The following GPRIN3 variants were observed in gnomAD, a reference collection of about 807,000 sequenced individuals.
GPRIN3 encodes G protein-regulated inducer of neurite outgrowth 3.
GPRIN3 carries 12 observed loss-of-function variants against 13.7 expected under a neutral mutation model. The observed-to-expected ratio is 0.87, with a 90% CI of 0.56 to 1.42. The LOEUF (loss-of-function observed/expected upper bound fraction) is 1.42, where lower values mean the gene tolerates loss of function less well. Among genes scored for constraint, GPRIN3 ranks in the 40% most tolerant of loss-of-function variants. GPRIN3 has a pLI of 0.00. For synonymous variants in GPRIN3, 377 were observed against 372.7 expected, an observed-to-expected ratio of 1.01 and a Z score of -0.13; for missense variants, 1,009 against 958.7, an observed-to-expected ratio of 1.05 and a Z score of -0.69.
intron 1 of GPRIN3, among the ~76,000 whole-genome samples, chr4:89,306,211 G>A (rs946029504): frequency 6.6e-6 from 1 of 152,150 alleles, no homozygotes; most frequent in African/African-American, 2.4e-5. Context: ...TCTGCTTTGG[G>A]CTGTGACTCA....
intron 1 of GPRIN3, among the ~76,000 whole-genome samples, chr4:89,260,240 C>A (rs1010803914): frequency 6.6e-5 from 10 of 152,184 alleles, no homozygotes; most frequent in African/African-American, 2.2e-4. Context: ...TTAGAGAACA[C>A]AGAGAAACCC....
intron 1 of GPRIN3, among the ~76,000 whole-genome samples, chr4:89,304,711 T>C (rs981809384): frequency 6.6e-6 from 1 of 152,218 alleles, no homozygotes; most frequent in African/African-American, 2.4e-5. Flanking sequence ...TATGTTTGCC[T>C]TTTGGAGTCA....
intron 1 of GPRIN3, among the ~76,000 whole-genome samples, chr4:89,258,080 C>T (rs1300774444): frequency 6.6e-6 from 1 of 151,094 alleles, no homozygotes; most frequent in Non-Finnish European, 1.5e-5. Context: ...GGCTGGAGCC[C>T]TGAGAACCTA....
chr4:89,279,091 C>T (rs543327762), intron 1 of GPRIN3, among the ~76,000 whole-genome samples: 3 of 152,242 alleles, frequency 2.0e-5, no homozygotes, highest in East Asian at 3.9e-4. Context: ...AGGGAAGAAC[C>T]GATTCCCCTG....
At position 89,278,394 on chromosome 4, in the gene GPRIN3, G is replaced by A. The variant is rs546947571; in HGVS notation, c.-123-28161C>T. ...AGAGCTTTCGTTCATTTGCCACAGC[G>A]ATAATGACATATTTAAATTCTCCTT... On this transcript the variant is annotated intron_variant, in intron 1 of 1. Transcript: ENST00000609438. Among the ~76,000 whole-genome samples the A allele has an allele frequency of 2.4e-4, 36 of 152,180 alleles. No homozygotes were observed. The South Asian group carries it at 6.7e-3, about 28-fold the overall frequency.
chr4:89,264,359 G>A (rs932339081), intron 1 of GPRIN3, among the ~76,000 whole-genome samples: 3 of 152,186 alleles, frequency 2.0e-5, no homozygotes, highest in African/African-American at 7.2e-5. Flanking sequence ...GCAGCCTGAA[G>A]CCTTCCCCAG....
At position 89,248,419 on chromosome 4, in the gene GPRIN3, G is replaced by A; in HGVS notation, c.1692C>T (p.Leu564=). The A allele has an allele frequency of 6.2e-7, 1 of 1,614,158 alleles. No individual in the cohort carries two copies. The highest frequency in any genetic ancestry group is 8.5e-7 in the Non-Finnish European group (1 of 1,180,028). ...CTCCACTTTCTTGGGATTTAGGATT[G>A]AGCAGTAGGGTTTTGGCATCCGAGG... is the stretch of plus-strand genomic sequence containing the variant. The part of the protein sequence containing the change: ...TDTSDAKTLL[L]NPKSQESGGT... The change falls in exon 2 of 2, where the codon CTC becomes CTT. Residue 564 remains leucine (L), a synonymous_variant. Transcript: ENST00000609438.
Position 89,249,308 on chromosome 4 carries a change from G to C in GPRIN3, c.803C>G (p.Thr268Ser). 6 of 1,614,102 alleles carry C rather than the reference G, an allele frequency of 3.7e-6. No individual in the cohort carries two copies. Among genetic ancestry groups the C allele is most frequent in the Non-Finnish European group, 5.1e-6 (6 of 1,179,996 alleles). Reference sequence around the variant, plus strand: ...TGCCGAAGGTTCGCTAGTGAGGGGGGTTGGTTGAGGTGTCACAGAAGTTGT... The same window carrying C: ...TGCCGAAGGTTCGCTAGTGAGGGGGCTTGGTTGAGGTGTCACAGAAGTTGT... ...QGTTSVTPQP[T>S]PLTSEPSACP... The change falls in exon 2 of 2, where the codon ACC becomes AGC. Residue 268 changes from threonine (T) to serine (S), a missense_variant. By Grantham distance (58) the Thr-to-Ser change is moderately conservative (BLOSUM62 1). Coordinates refer to ENST00000609438, the MANE Select transcript of GPRIN3 (RefSeq NM_198281.3).
intron 1 of GPRIN3, among the ~76,000 whole-genome samples, chr4:89,260,805 G>A (rs1297720148): frequency 6.6e-6 from 1 of 152,090 alleles, no homozygotes; most frequent in African/African-American, 2.4e-5. Context: ...AAAAAGAATG[G>A]TCTTTCATTA....
chr4:89,258,520 G>A lies in GPRIN3; in HGVS notation c.-123-8287C>T, dbSNP rs1159041866. ...TGAGCCACTGTGCCTGGCCAAACCT[G>A]AGCATTTTTATAGTAGGGTTGATGA... On this transcript the variant is annotated intron_variant, in intron 1 of 1. Coordinates refer to ENST00000609438, the MANE Select transcript of GPRIN3 (RefSeq NM_198281.3). Among the ~76,000 whole-genome samples, 3 of 152,110 alleles carry A rather than the reference G, an allele frequency of 2.0e-5. 1 individual carries two copies. The highest frequency in any genetic ancestry group is 1.3e-4 in the Admixed American group (2 of 15,274).
chr4:89,298,680 T>C (rs1724809195), intron 1 of GPRIN3, among the ~76,000 whole-genome samples: 1 of 151,960 alleles, frequency 6.6e-6, no homozygotes, highest in Admixed American at 6.6e-5. Flanking sequence ...TATATGTATA[T>C]ATATATATCT....
chr4:89,270,565 T>TTATATATATATA (rs1199230242), intron 1 of GPRIN3, among the ~76,000 whole-genome samples: 933 of 82,044 alleles, frequency 0.011, 6 homozygotes, highest in South Asian at 0.02. Flanking sequence ...TGTATATAAT[T>TTATATATATATA]TATATATATA....
At chr4:89,270,578 T>TATATATATATATATATAA (rs1561205512) in intron 1 of GPRIN3, among the ~76,000 whole-genome samples, 1 of 99,548 alleles carries the variant, frequency 1.0e-5, no homozygotes, top group East Asian at 3.2e-4. Flanking sequence ...TATATATATA[T>TATATATATATATATATAA]ATATATATAT....
chr4:89,257,849 G>A (rs1356320033), intron 1 of GPRIN3, among the ~76,000 whole-genome samples: 1 of 152,092 alleles, frequency 6.6e-6, no homozygotes, highest in Non-Finnish European at 1.5e-5. Flanking sequence ...GGTCAATTGG[G>A]CAATACAGAA....
rs934128581 is a variant in GPRIN3, at chr4:89,240,082, C to A, written c.*7698G>T. The A allele has an allele frequency of 6.6e-6, 1 of 152,096 alleles. No individual in the cohort carries two copies. The highest frequency in any genetic ancestry group is 2.4e-5 in the African/African-American group (1 of 41,380). The allele number at this position is 152,096 out of a possible 1,614,324, so 9.4% of individuals were successfully genotyped here. A position where few individuals can be genotyped will look rare whatever the true frequency, so the allele number is the denominator to read the frequency against. On this transcript the variant is annotated 3_prime_UTR_variant, in exon 2 of 2. Coordinates refer to ENST00000609438, the MANE Select transcript of GPRIN3 (RefSeq NM_198281.3). ...CTTTTTGATCCCTAATAGAGCACTT[C>A]CTTTGAGAAAAAATGAGATAAATTC...
intron 1 of GPRIN3, among the ~76,000 whole-genome samples, chr4:89,274,946 C>A (rs1210200751): frequency 6.6e-6 from 1 of 152,154 alleles, no homozygotes; most frequent in Non-Finnish European, 1.5e-5. Context: ...TAGCTGCTGT[C>A]CTACTCCGGA....
At position 89,249,470 on chromosome 4, in the gene GPRIN3, GA is replaced by G; in HGVS notation, c.640del (p.Ser214LeufsTer3). ...TTCCCCTTCAGGTCCACCTACAGGA[GA>G]GGATGAGTGACTGACCACCCTGGCT... ...TAARVVSHSSSPVGGPEGERQ... is the reference protein window; with the variant it reads ...TAARVVSHSSXPVGGPEGERQ... On this transcript the variant is annotated frameshift_variant, in exon 2 of 2. Coordinates refer to ENST00000609438, the MANE Select transcript of GPRIN3 (RefSeq NM_198281.3). LOFTEE classifies it low-confidence loss of function (END_TRUNC). 1 of 1,614,092 alleles carries G rather than the reference GA, an allele frequency of 6.2e-7. No homozygotes were observed. The highest frequency in any genetic ancestry group is 8.5e-7 in the Non-Finnish European group (1 of 1,180,020).
intron 1 of GPRIN3, among the ~76,000 whole-genome samples, chr4:89,261,604 C>T (rs548017781): frequency 1.1e-3 from 167 of 152,268 alleles, no homozygotes; most frequent in African/African-American, 3.6e-3. Flanking sequence ...AGTTTGTATA[C>T]ACTGACTCTG....
At chr4:89,290,224 C>A (rs1366668652) in intron 1 of GPRIN3, among the ~76,000 whole-genome samples, 1 of 151,944 alleles carries the variant, frequency 6.6e-6, no homozygotes, top group Admixed American at 6.6e-5. Context: ...CTTGCGTAGG[C>A]CTCCCAAAGT....
Sources: allele counts gnomAD v4.1 joint callset (sites outside exome capture counted in the v4.1 genomes callset), GRCh38; gene constraint gnomAD v4.1.1; transcripts MANE v1.5; gene names NCBI Gene and HGNC (gene_info 2026-07-23, HGNC 2026-07-21).